Variants in ICE2 observed in about 807,000 individuals in gnomAD.
The protein encoded by ICE2 is little elongation complex subunit 2.
Under a neutral mutation model 105.4 loss-of-function variants are expected in ICE2, and 87 were observed. That is an observed-to-expected ratio of 0.83 (90% confidence interval 0.69 to 0.99). The LOEUF is 0.99. Ranked by LOEUF, ICE2 falls within the 50% of genes least tolerant of loss-of-function variation. The probability of loss-of-function intolerance (pLI) is 0.00; values close to 1 mark genes in which losing one functional copy is unlikely to be tolerated. For synonymous variants in ICE2, 399 were observed against 392.0 expected (o/e 1.02, Z -0.21); for missense variants, 1,323 against 1,146.7 (o/e 1.15, Z -2.22).
At chr15:60,447,791 A>T (rs2063856740) in intron 11 of ICE2, 179 bp downstream of exon 11, 2 of 523,452 alleles carry the variant, frequency 3.8e-6, no homozygotes, top group African/African-American at 3.9e-5. Flanking sequence ...CTATATACAA[A>T]CACTTTCCCT....
chr15:60,458,218 A>G (rs1406176969), intron 5 of ICE2, among the ~76,000 whole-genome samples: 2 of 152,166 alleles, frequency 1.3e-5, no homozygotes, highest in Non-Finnish European at 2.9e-5. Context: ...TATATTAATA[A>G]TTTATCTTTC....
intron 3 of ICE2, among the ~76,000 whole-genome samples, chr15:60,474,547 A>G (rs983035046): frequency 6.6e-6 from 1 of 152,194 alleles, no homozygotes; most frequent in Non-Finnish European, 1.5e-5. Context: ...GATGTGCAGT[A>G]AATGGAAAGT....
intron 11 of ICE2, 155 bp downstream of exon 11, chr15:60,447,815 C>A: frequency 1.7e-6 from 1 of 583,716 alleles, no homozygotes; most frequent in East Asian, 2.9e-5. Flanking sequence ...TAAAATCGAT[C>A]TCAGCATTTT....
Position 60,456,745 on chromosome 15 carries a change from T to C in ICE2, c.578A>G (p.Tyr193Cys), listed in dbSNP as rs149006481. ...IEQVKKYSEFYTLHEVTSLMG... is the reference protein window; with the variant it reads ...IEQVKKYSEFCTLHEVTSLMG... ...TAAGCTGGTGACCTCGTGGAGAGTA[T>C]AGAATTCTGAATACTTTTTCACTTG... is the stretch of plus-strand genomic sequence containing the variant. The change falls in exon 6 of 16, where the codon TAT becomes TGT. Residue 193 changes from tyrosine to cysteine, a missense_variant. Coordinates refer to ENST00000261520, the MANE Select transcript of ICE2 (RefSeq NM_024611.6). 1.3e-4 allele frequency: 197 copies of C among 1,556,968 alleles called. No homozygotes were observed. Among genetic ancestry groups the C allele is most frequent in the Non-Finnish European group, 1.6e-4 (182 of 1,152,100 alleles).
chr15:60,474,829 C>G (rs550464894), intron 3 of ICE2, among the ~76,000 whole-genome samples: 5 of 152,226 alleles, frequency 3.3e-5, no homozygotes, highest in African/African-American at 9.6e-5. Context: ...TGTTCAAATA[C>G]TGATTAAGTT....
At chr15:60,468,386 T>TC in intron 3 of ICE2, 64 bp from the exon 4 acceptor site, 1 of 1,242,674 alleles carries the variant, frequency 8.0e-7, no homozygotes, top group Non-Finnish European at 1.1e-6. Context: ...TCATGGAACT[T>TC]CATGATTCTC....
At chr15:60,460,863 T>C (rs1461109968) in intron 5 of ICE2, among the ~76,000 whole-genome samples, 15 of 152,188 alleles carry the variant, frequency 9.9e-5, no homozygotes, top group Admixed American at 7.2e-4. Flanking sequence ...AAAAATTAAC[T>C]TGAAATCAAC....
At position 60,420,152 on chromosome 15, in the gene ICE2, A is replaced by AC. The variant is rs989339942; in HGVS notation, c.*3481_*3482insG. ...CTAGAATCCAAAAGTAGAAATGACT[A>AC]AAAAAAAAAATGAACATTTTAAATT... On this transcript the variant is annotated 3_prime_UTR_variant, in exon 16 of 16. Transcript: ENST00000261520. 5 of 48 alleles carry AC rather than the reference A, an allele frequency of 0.1. No homozygotes were observed. The highest frequency in any genetic ancestry group is 0.2 in the African/African-American group (2 of 10). The allele number at this position is 48 out of a possible 1,614,324, so 0.0% of individuals were successfully genotyped here.
intron 14 of ICE2, among the ~76,000 whole-genome samples, chr15:60,428,956 GAAAC>G (rs770602616): frequency 1.1e-4 from 16 of 152,034 alleles, no homozygotes; most frequent in African/African-American, 2.9e-4. Context: ...CATTTAATGG[GAAAC>G]AAACAGTGTG....
Position 60,423,041 on chromosome 15 carries a change from G to C in ICE2, c.*593C>G, listed in dbSNP as rs966501307. ...TCTTTTATTAAACAAACTGATGGTT[G>C]CCAAACAAGAAGTCAGTAATCTGAC... On this transcript the variant is annotated 3_prime_UTR_variant, in exon 16 of 16. Coordinates refer to ENST00000261520, the MANE Select transcript of ICE2 (RefSeq NM_024611.6). 17 of 152,582 alleles carry C rather than the reference G, an allele frequency of 1.1e-4. No individual in the cohort carries two copies. Among genetic ancestry groups the C allele is most frequent in the Non-Finnish European group, 2.1e-4 (14 of 68,028 alleles). The allele number at this position is 152,582 out of a possible 1,614,324, so 9.5% of individuals were successfully genotyped here. A position where few individuals can be genotyped will look rare whatever the true frequency, so the allele number is the denominator to read the frequency against.
At position 60,421,632 on chromosome 15, in the gene ICE2, T is replaced by C. The variant is rs2140976629; in HGVS notation, c.*2002A>G. On this transcript the variant is annotated 3_prime_UTR_variant, in exon 16 of 16. Coordinates refer to ENST00000261520, the MANE Select transcript of ICE2 (RefSeq NM_024611.6). Reference sequence around the variant, plus strand: ...TGTCCAGCTCTTTAAAAAGAGCACATTCCATTCTGGTGCACACAAATGTAC... The same window carrying C: ...TGTCCAGCTCTTTAAAAAGAGCACACTCCATTCTGGTGCACACAAATGTAC... 1 of 152,286 alleles carries C rather than the reference T, an allele frequency of 6.6e-6. No individual in the cohort carries two copies. The highest frequency in any genetic ancestry group is 2.1e-4 in the South Asian group (1 of 4,826). The allele number at this position is 152,286 out of a possible 1,614,324, so 9.4% of individuals were successfully genotyped here. A position where few individuals can be genotyped will look rare whatever the true frequency, so the allele number is the denominator to read the frequency against.
chr15:60,448,883 G>T lies in ICE2; in HGVS notation c.2084C>A (p.Ser695Tyr), dbSNP rs1273573821. ...CTTCTGAAATGCAGAAGGCCATCCA[G>T]ATTTCGGCCAACTAGAGGAGTCTGA... The part of the protein sequence containing the change: ...GPSDSSSWPK[S>Y]GWPSAFQKPK... The change falls in exon 10 of 16, where the codon TCT becomes TAT. Residue 695 changes from serine (S) to tyrosine (Y), a missense_variant. By Grantham distance (144) the Ser-to-Tyr change is moderately radical. Transcript: ENST00000261520. 2 of 1,600,694 alleles carry T rather than the reference G, an allele frequency of 1.2e-6. No homozygotes were observed. The highest frequency in any genetic ancestry group is 2.2e-5 in the East Asian group (1 of 44,824).
chr15:60,432,038 G>T, intron 13 of ICE2, 54 bp from the exon 14 acceptor site: 1 of 910,698 alleles, frequency 1.1e-6, no homozygotes, highest in Non-Finnish European at 1.8e-6. Flanking sequence ...CTTACTTTTA[G>T]CAATTATAGC....
chr15:60,468,251 T>C lies in ICE2; in HGVS notation c.218A>G (p.Gln73Arg). The C allele has an allele frequency of 6.2e-7, 1 of 1,613,762 alleles. No individual in the cohort carries two copies. Among genetic ancestry groups the C allele is most frequent in the Non-Finnish European group, 8.5e-7 (1 of 1,179,694 alleles). The stretch of plus-strand genomic sequence containing the variant: ...TGTGGTTTTAACTTTTTCCTTTGCT[T>C]GAGTTGCTGAACTAACTGCCGGCTC... ...ENEPAVSSAT[Q>R]AKEKVKTTIG... The change falls in exon 4 of 16, where the codon CAA becomes CGA. Residue 73 changes from glutamine (Q) to arginine (R), a missense_variant. Physicochemically the swap from Gln to Arg is conservative, Grantham distance 43. Transcript: ENST00000261520.
At chr15:60,424,187 G>A (rs546251900) in intron 15 of ICE2, among the ~76,000 whole-genome samples, 2 of 151,692 alleles carry the variant, frequency 1.3e-5, no homozygotes, top group East Asian at 3.9e-4. Flanking sequence ...ACAGGGAGAA[G>A]AAATTACATG....
rs747500086 is a variant in ICE2, at chr15:60,449,696, G to A, written c.1271C>T (p.Thr424Ile). ...AGGAGCATCTGTCATGTTAGGTACT[G>A]TGGAAGTACTTGCTGGACTTGGTGA... ...SKSPSPASTS[T>I]VPNMTDAPTA... Residue 424 changes from threonine to isoleucine, a missense_variant, in exon 10 of 16, where the codon ACA becomes ATA. Thr to Ile is a moderately conservative substitution (Grantham distance 89). Coordinates refer to ENST00000261520, the MANE Select transcript of ICE2 (RefSeq NM_024611.6). 4 of 1,614,002 alleles carry A rather than the reference G, an allele frequency of 2.5e-6. No individual in the cohort carries two copies. Among genetic ancestry groups the A allele is most frequent in the Admixed American group, 3.3e-5 (2 of 59,990 alleles).
intron 9 of ICE2, chr15:60,451,486 CA>C (rs2063965588): frequency 1.0e-6 from 1 of 984,460 alleles, no homozygotes; most frequent in Non-Finnish European, 1.2e-6. Flanking sequence ...AAAAACATTC[CA>C]AATTGTTGGA....
chr15:60,447,917 T>C, intron 11 of ICE2, 53 bp downstream of exon 11: 2 of 1,376,922 alleles, frequency 1.5e-6, no homozygotes, highest in East Asian at 2.3e-5. Flanking sequence ...GCATGTTAAG[T>C]ATCTATTGAT....
Position 60,436,138 on chromosome 15 carries a change from C to A in ICE2, c.2510+5G>T, listed in dbSNP as rs1292317880. The A allele has an allele frequency of 1.5e-6, 2 of 1,304,238 alleles. No individual in the cohort carries two copies. Among genetic ancestry groups the A allele is most frequent in the Non-Finnish European group, 2.1e-6 (2 of 951,206 alleles). 80.8% of individuals were successfully genotyped at this position (1,304,238 alleles called of 1,614,324 possible). A position where few individuals can be genotyped will look rare whatever the true frequency, so the allele number is the denominator to read the frequency against. ...CAATTCTCACCACAAAGTAAACTTT[C>A]TTACTTGAGTGCTGAAAGCTTTTCT... On this transcript the variant is annotated splice_donor_5th_base_variant and intron_variant, in intron 13 of 15. Transcript: ENST00000261520.
Sources: gnomAD v4.1 joint callset for allele counts (sites outside exome capture counted in the v4.1 genomes callset) on GRCh38, gnomAD v4.1.1 for gene constraint, MANE v1.5 for transcripts, NCBI Gene and HGNC (gene_info 2026-07-23, HGNC 2026-07-21) for gene names.